DMD: variants seen among roughly 807,000 people sequenced by gnomAD.
DMD encodes mutant dystrophin.
In DMD, 63 loss-of-function variants were observed where a neutral mutation model predicts 330.1. That is an observed-to-expected ratio of 0.19 (90% CI 0.16 to 0.24). DMD has a LOEUF of 0.24. Ranked by LOEUF, DMD falls within the 10% of genes least tolerant of loss-of-function variation. The pLI, the probability that DMD is intolerant of heterozygous loss-of-function variation, is 1.00. For synonymous variants in DMD, 1,223 were observed against 959.8 expected (o/e 1.27, Z -5.07); for missense variants, 3,344 against 2,684.1 (o/e 1.25, Z -5.43).
chrX:32,683,789 A>T (rs1016571024), intron 9 of DMD, among the ~76,000 whole-genome samples: 1 of 89,291 alleles, frequency 1.1e-5, no homozygotes, highest in African/African-American at 6.8e-5. Flanking sequence ...AAGTATAATA[A>T]AAAAAAAAAG....
At chrX:31,221,799 T>C (rs1312915634) in intron 64 of DMD, among the ~76,000 whole-genome samples, 1 of 112,857 alleles carries the variant, frequency 8.9e-6, no homozygotes, top group Non-Finnish European at 1.9e-5. Flanking sequence ...CTCACGCCTG[T>C]AATCCCAGCA....
chrX:32,656,053 T>G (rs981372653), intron 9 of DMD, among the ~76,000 whole-genome samples: 2 of 111,852 alleles, frequency 1.8e-5, no homozygotes, highest in Non-Finnish European at 3.8e-5. Context: ...TGTATCTTTC[T>G]TCACCCTTTA....
chrX:33,302,122 G>A (rs894730292), intron 1 of DMD, among the ~76,000 whole-genome samples: 14 of 110,901 alleles, frequency 1.3e-4, no homozygotes, highest in Non-Finnish European at 1.9e-4. Flanking sequence ...TTAATGTTCC[G>A]TTGCAACAGA....
chrX:31,746,187 G>A (rs1420408156), intron 51 of DMD, among the ~76,000 whole-genome samples: 3 of 111,951 alleles, frequency 2.7e-5, no homozygotes, highest in Non-Finnish European at 5.6e-5. Context: ...TATTTCTAAC[G>A]GCAGCCATCA....
chrX:32,448,209 G>T (rs185427537), intron 27 of DMD, among the ~76,000 whole-genome samples: 1 of 111,084 alleles, frequency 9.0e-6, no homozygotes, highest in African/African-American at 3.2e-5. Flanking sequence ...AGGCTAAGTA[G>T]TTTAAAGAGA....
intron 17 of DMD, among the ~76,000 whole-genome samples, chrX:32,538,529 A>G (rs1350286410): frequency 1.8e-5 from 2 of 111,147 alleles, no homozygotes; most frequent in East Asian, 2.8e-4. Context: ...CCCAGGTGAA[A>G]TAGACAGCCT....
chrX:32,836,252 G>C (rs896292559), intron 4 of DMD, among the ~76,000 whole-genome samples: 2 of 108,949 alleles, frequency 1.8e-5, no homozygotes, highest in African/African-American at 6.7e-5. Context: ...GGATGGTCTC[G>C]AACTCCTGAC....
intron 34 of DMD, among the ~76,000 whole-genome samples, chrX:32,367,615 C>T: frequency 8.9e-6 from 1 of 111,795 alleles, no homozygotes; most frequent in South Asian, 3.7e-4. Flanking sequence ...AAGTTTTGAA[C>T]TTAGGGGATA....
At chrX:31,779,717 G>GTA (rs1491076859) in intron 50 of DMD, among the ~76,000 whole-genome samples, 1 of 101,899 alleles carries the variant, frequency 9.8e-6, no homozygotes, top group Non-Finnish European at 2.0e-5. Flanking sequence ...GTGTGTGTGT[G>GTA]TAAAGAGAGA....
At chrX:31,398,131 T>C (rs746469746) in intron 60 of DMD, among the ~76,000 whole-genome samples, 2 of 112,246 alleles carry the variant, frequency 1.8e-5, no homozygotes, top group Non-Finnish European at 3.8e-5. Flanking sequence ...ACTACAACCC[T>C]ATGAAAAAAG....
chrX:31,341,866 GGCGTGCGC>G (rs1341219277), intron 61 of DMD, among the ~76,000 whole-genome samples: 1 of 87,690 alleles, frequency 1.1e-5, no homozygotes, highest in African/African-American at 4.7e-5. Context: ...ACTGTGATCT[GGCGTGCGC>G]GCGTGCGTGC....
At chrX:31,344,322 G>A (rs954325106) in intron 61 of DMD, among the ~76,000 whole-genome samples, 3 of 111,394 alleles carry the variant, frequency 2.7e-5, no homozygotes. Flanking sequence ...GTATAAAAAG[G>A]ATATTAGCCA....
chrX:32,342,034 T>C (rs2097745953), intron 41 of DMD, 66 bp downstream of exon 41: 2 of 1,049,825 alleles, frequency 1.9e-6, no homozygotes, highest in Non-Finnish European at 2.6e-6. Context: ...TTTTTTTTAT[T>C]AGTAGGCCTC....
intron 2 of DMD, among the ~76,000 whole-genome samples, chrX:32,953,387 T>A (rs58625099): frequency 0.095 from 10,602 of 111,041 alleles, 944 homozygotes; most frequent in African/African-American, 0.28. Context: ...ATACGTAAAA[T>A]AGTCTTTATA....
intron 28 of DMD, among the ~76,000 whole-genome samples, chrX:32,440,243 A>T (rs751329622): frequency 1.8e-5 from 2 of 111,872 alleles, no homozygotes; most frequent in Non-Finnish European, 3.8e-5. Context: ...TCTGAATACG[A>T]CAAATTTATA....
chrX:32,976,075 G>C (rs147417491), intron 2 of DMD, among the ~76,000 whole-genome samples: 1,548 of 111,454 alleles, frequency 0.014, 24 homozygotes, highest in African/African-American at 0.048. Context: ...ACAAAAATTA[G>C]CTGGGTGTGG....
At chrX:32,692,205 G>T (rs1197448872) in intron 9 of DMD, among the ~76,000 whole-genome samples, 1 of 112,259 alleles carries the variant, frequency 8.9e-6, no homozygotes, top group African/African-American at 3.2e-5. Flanking sequence ...CGATAAGAGT[G>T]TAACTGTTGA....
intron 44 of DMD, among the ~76,000 whole-genome samples, chrX:32,084,130 C>A (rs2096413985): frequency 9.0e-6 from 1 of 111,301 alleles, no homozygotes; most frequent in Admixed American, 9.6e-5. Flanking sequence ...AATATTGAAA[C>A]CTCAAATCCT....
At chrX:32,374,518 A>C (rs73462102) in intron 34 of DMD, among the ~76,000 whole-genome samples, 1 of 111,285 alleles carries the variant, frequency 9.0e-6, no homozygotes, top group East Asian at 2.8e-4. Flanking sequence ...ATTCCTCTAT[A>C]TATGGCTAGC....
Sources: allele counts gnomAD v4.1 joint callset (sites outside exome capture counted in the v4.1 genomes callset), GRCh38; gene constraint gnomAD v4.1.1; transcripts MANE v1.5; gene names NCBI Gene and HGNC (gene_info 2026-07-23, HGNC 2026-07-21).